The following TTF1 variants were observed in gnomAD, a reference collection of about 807,000 sequenced individuals.
The protein encoded by TTF1 is transcription termination factor 1.
In TTF1, 64 loss-of-function variants were observed where a neutral mutation model predicts 80.2. The ratio of observed to expected loss-of-function variants is 0.80; its 90% CI spans 0.65 to 0.98. The LOEUF is 0.98. Among genes scored for constraint, TTF1 ranks in the 50% least tolerant of loss-of-function variants. The pLI is 0.00. For synonymous variants in TTF1, 372 were observed against 382.7 expected (o/e 0.97, Z 0.33); for missense variants, 1,023 against 1,086.2 (o/e 0.94, Z 0.82).
At position 132,377,107 on chromosome 9, in the gene TTF1, T is replaced by G. The variant is rs560051596; in HGVS notation, c.2465-939A>C. Among the ~76,000 whole-genome samples, 5 of 152,328 alleles carry G rather than the reference T, an allele frequency of 3.3e-5. No individual in the cohort carries two copies. The East Asian group carries it at 9.6e-4, about 29-fold the overall frequency. ...TTTTATTCTTTCTGGAATATGTGTA[T>G]GCTTCTGTGTATGTGTGTACATGCA... On this transcript the variant is annotated intron_variant, in intron 10 of 10. Transcript: ENST00000334270.
chr9:132,387,240 C>T (rs1026919341), intron 8 of TTF1, among the ~76,000 whole-genome samples: 3 of 152,188 alleles, frequency 2.0e-5, no homozygotes, highest in Non-Finnish European at 1.5e-5. Flanking sequence ...TCAGGCACCA[C>T]GCCGAGCCAA....
intron 7 of TTF1, 115 bp downstream of exon 7, chr9:132,390,482 G>A: frequency 3.1e-6 from 3 of 960,966 alleles, no homozygotes; most frequent in Non-Finnish European, 4.8e-6. Context: ...CAGCAGACTA[G>A]ACACGATTGT....
chr9:132,389,687 G>A (rs557305660), intron 7 of TTF1, among the ~76,000 whole-genome samples: 67 of 152,286 alleles, frequency 4.4e-4, no homozygotes, highest in African/African-American at 1.5e-3. Flanking sequence ...TCATGTGCAA[G>A]GTAGGGGGGT....
chr9:132,402,312 CT>C lies in TTF1; in HGVS notation c.509del (p.Lys170SerfsTer98). On this transcript the variant is annotated frameshift_variant, in exon 2 of 11. Coordinates refer to ENST00000334270, the MANE Select transcript of TTF1 (RefSeq NM_007344.4). LOFTEE classifies it high-confidence loss of function. The stretch of plus-strand genomic sequence containing the variant: ...CCCAGGATGCAGCTTTCCTCTGATG[CT>C]TTTTATTCTTTTTCTCCCTAACTTT... Reference protein sequence around the residue: ...HSKVREKKNKKHQRKAASWES... With the variant: ...HSKVREKKNKXHQRKAASWES... 6.2e-7 allele frequency: 1 copy of C among 1,614,056 alleles called. No individual in the cohort carries two copies. The highest frequency in any genetic ancestry group is 8.5e-7 in the Non-Finnish European group (1 of 1,179,992).
intron 5 of TTF1, 111 bp downstream of exon 5, chr9:132,396,322 C>A (rs775330652): frequency 1.8e-6 from 2 of 1,125,692 alleles, no homozygotes; most frequent in Non-Finnish European, 2.6e-6. Flanking sequence ...GTTTCACACA[C>A]ACAAATCTGC....
chr9:132,392,354 G>T, intron 5 of TTF1, 148 bp from the exon 6 acceptor site: 1 of 911,454 alleles, frequency 1.1e-6, no homozygotes, highest in Non-Finnish European at 1.6e-6. Context: ...CTTCCTGTTG[G>T]CGTCTCACTG....
Position 132,402,575 on chromosome 9 carries a change from G to T in TTF1, c.247C>A (p.Leu83Ile), listed in dbSNP as rs1311098167. Residue 83 changes from leucine to isoleucine, a missense_variant, in exon 2 of 11, where the codon CTC becomes ATC. Transcript: ENST00000334270. ...TATCTTCTCTTTTTTCTCTTTTTGA[G>T]TGTGGAAGTGGCATTTGCAGTCTCA... ...CDETANATST[L>I]KKRKKRRYSA... The T allele has an allele frequency of 6.2e-7, 1 of 1,613,990 alleles. No individual in the cohort carries two copies. Among genetic ancestry groups the T allele is most frequent in the Non-Finnish European group, 8.5e-7 (1 of 1,180,028 alleles).
At chr9:132,388,553 C>T (rs1849510550) in intron 7 of TTF1, among the ~76,000 whole-genome samples, 1 of 152,122 alleles carries the variant, frequency 6.6e-6, no homozygotes, top group Non-Finnish European at 1.5e-5. Flanking sequence ...GTTGGCCAGG[C>T]TGGTCTCAAA....
At chr9:132,400,540 C>T (rs1564190285) in intron 2 of TTF1, among the ~76,000 whole-genome samples, 1 of 152,148 alleles carries the variant, frequency 6.6e-6, no homozygotes, top group Non-Finnish European at 1.5e-5. Context: ...CTAGGCTGGT[C>T]TCGAACTCCT....
At chr9:132,399,957 G>T in intron 3 of TTF1, 78 bp downstream of exon 3, 1 of 1,420,450 alleles carries the variant, frequency 7.0e-7, no homozygotes, top group South Asian at 1.2e-5. Context: ...CTATAAATCT[G>T]AATCATCCAT....
intron 1 of TTF1, among the ~76,000 whole-genome samples, chr9:132,405,499 C>T (rs1267161778): frequency 6.6e-6 from 1 of 152,268 alleles, no homozygotes; most frequent in Non-Finnish European, 1.5e-5. Flanking sequence ...TAAGCCACAG[C>T]GCCCGGCCTT....
At chr9:132,395,660 C>T (rs1003648606) in intron 5 of TTF1, among the ~76,000 whole-genome samples, 1 of 152,148 alleles carries the variant, frequency 6.6e-6, no homozygotes, top group Admixed American at 6.5e-5. Flanking sequence ...GTCATATCAA[C>T]GTTGGAAGTT....
At position 132,399,076 on chromosome 9, in the gene TTF1, G is replaced by A. The variant is rs575437758; in HGVS notation, c.1592-750C>T. On this transcript the variant is annotated intron_variant, in intron 3 of 10. Coordinates refer to ENST00000334270, the MANE Select transcript of TTF1 (RefSeq NM_007344.4). The stretch of plus-strand genomic sequence containing the variant: ...TAGCTGGGCTTGGTGGCAGGCGCCT[G>A]TAGTCCCAGCTACTTGGGAGGCTGA... 2.6e-4 allele frequency among the ~76,000 whole-genome samples: 39 copies of A among 151,886 alleles called. 1 individual carries two copies. The South Asian group carries it at 7.9e-3, about 31-fold the overall frequency.
chr9:132,391,625 G>A (rs1287426543), intron 6 of TTF1, among the ~76,000 whole-genome samples: 4 of 152,136 alleles, frequency 2.6e-5, no homozygotes, highest in Non-Finnish European at 2.9e-5. Context: ...CAGAAAACCC[G>A]GTCAGGACTG....
intron 10 of TTF1, among the ~76,000 whole-genome samples, chr9:132,378,148 GGTGTGTGTGAGTGCATGTGGT>G (rs1248834176): frequency 2.6e-5 from 3 of 114,734 alleles, no homozygotes; most frequent in Non-Finnish European, 5.8e-5. Context: ...GAGTGCATGT[GGTGTGTGTGAGTGCATGTGGT>G]GTGTGTGAAT....
At chr9:132,393,281 A>T (rs1589822650) in intron 5 of TTF1, among the ~76,000 whole-genome samples, 1 of 147,364 alleles carries the variant, frequency 6.8e-6, no homozygotes, top group Non-Finnish European at 1.5e-5. Flanking sequence ...CCCCCCCGCA[A>T]ACTGGCCATA....
At chr9:132,400,311 T>C in intron 2 of TTF1, 53 bp from the exon 3 acceptor site, 1 of 1,483,854 alleles carries the variant, frequency 6.7e-7, no homozygotes, top group Non-Finnish European at 9.4e-7. Context: ...CTTGACCTCA[T>C]AACTTTAAAA....
chr9:132,395,184 T>A (rs866186211), intron 5 of TTF1, among the ~76,000 whole-genome samples: 8 of 152,064 alleles, frequency 5.3e-5, no homozygotes, highest in Admixed American at 1.3e-4. Flanking sequence ...AGACTGAGAC[T>A]CCATTTCAAA....
chr9:132,376,083 G>T lies in TTF1; in HGVS notation c.2550C>A (p.Ile850=). Residue 850 remains isoleucine, a synonymous_variant, in exon 11 of 11, where the codon ATC becomes ATA. Transcript: ENST00000334270. ...CTTGCTTGGGTGCTGCAGGAGTCTG[G>T]ATTTTAGTGCCTTTTTTCTCCATCA... is the stretch of plus-strand genomic sequence containing the variant. ...EKMMEKKGTK[I]QTPAAPKQVF... 6.2e-7 allele frequency: 1 copy of T among 1,614,184 alleles called. No individual in the cohort carries two copies. The highest frequency in any genetic ancestry group is 8.5e-7 in the Non-Finnish European group (1 of 1,180,024).
Sources: gnomAD v4.1 joint callset for allele counts (sites outside exome capture counted in the v4.1 genomes callset) on GRCh38, gnomAD v4.1.1 for gene constraint, MANE v1.5 for transcripts, NCBI Gene and HGNC (gene_info 2026-07-23, HGNC 2026-07-21) for gene names.